PDLIM4: variants seen among roughly 807,000 people sequenced by gnomAD.
PDLIM4 encodes PDZ and LIM domain 4.
A neutral mutation model predicts 31.3 loss-of-function variants in PDLIM4; 19 were observed. The observed-to-expected ratio is 0.61, with a 90% CI of 0.42 to 0.89. The LOEUF (loss-of-function observed/expected upper bound fraction) is 0.89. Among genes scored for constraint, PDLIM4 ranks in the 40% least tolerant of loss-of-function variants. The pLI, the probability that PDLIM4 is intolerant of heterozygous loss-of-function variation, is 0.00. For synonymous variants in PDLIM4, 176 were observed against 190.1 expected, an observed-to-expected ratio of 0.93 and a Z score of 0.61; for missense variants, 442 against 461.1, an observed-to-expected ratio of 0.96 and a Z score of 0.38.
chr5:132,271,492 T>A, intron 5 of PDLIM4, 26 bp downstream of exon 5: 2 of 1,605,328 alleles, frequency 1.2e-6, no homozygotes, highest in South Asian at 1.1e-5. Context: ...CCTGTCCCCA[T>A]CTGCCTTCCC....
intron 3 of PDLIM4, among the ~76,000 whole-genome samples, chr5:132,267,260 G>A (rs1756511583): frequency 6.6e-6 from 1 of 152,206 alleles, no homozygotes; most frequent in Non-Finnish European, 1.5e-5. Context: ...CAGCATGTGG[G>A]ACCATTGCCT....
At chr5:132,267,547 TCAGA>T (rs1756518048) in intron 3 of PDLIM4, among the ~76,000 whole-genome samples, 1 of 152,168 alleles carries the variant, frequency 6.6e-6, no homozygotes, top group Admixed American at 6.5e-5. Flanking sequence ...GTCACATGAC[TCAGA>T]CAAGGAGTCA....
chr5:132,268,972 A>C (rs1262061628), intron 3 of PDLIM4, among the ~76,000 whole-genome samples: 2 of 152,198 alleles, frequency 1.3e-5, no homozygotes, highest in African/African-American at 4.8e-5. Context: ...ACAGCCATTC[A>C]TCCAACAAGT....
intron 3 of PDLIM4, 141 bp from the exon 4 acceptor site, chr5:132,270,774 C>T: frequency 2.8e-6 from 2 of 725,750 alleles, no homozygotes; most frequent in Non-Finnish European, 4.9e-6. Flanking sequence ...CCTGGCTGAG[C>T]ACCACAGGCC....
rs551467760 is a variant in PDLIM4, at chr5:132,272,873, T to C, written c.*644T>C. ...AGGTTTCTTCCACCCACGAGCACTTTATTCTCCTCCGAGACCCCCTTTTCT... is the reference window on the plus strand; with the variant it reads ...AGGTTTCTTCCACCCACGAGCACTTCATTCTCCTCCGAGACCCCCTTTTCT... On this transcript the variant is annotated 3_prime_UTR_variant, in exon 7 of 7. Coordinates refer to ENST00000253754, the MANE Select transcript of PDLIM4 (RefSeq NM_003687.4). 28 of 153,286 alleles carry C rather than the reference T, an allele frequency of 1.8e-4. No homozygotes were observed. Among genetic ancestry groups the C allele is most frequent in the Non-Finnish European group, 3.1e-4 (21 of 68,664 alleles). 9.5% of individuals were successfully genotyped at this position (153,286 alleles called of 1,614,324 possible).
chr5:132,262,377 G>A (rs931816707), intron 1 of PDLIM4, among the ~76,000 whole-genome samples: 2 of 152,200 alleles, frequency 1.3e-5, no homozygotes, highest in African/African-American at 2.4e-5. Flanking sequence ...AGCCCTTCTC[G>A]TATATCCTCA....
rs73787104 is a variant in PDLIM4 at position 132,265,822 on chromosome 5, T to G, written c.246-642T>G. 2.3e-3 allele frequency among the ~76,000 whole-genome samples: 356 copies of G among 152,344 alleles called. 3 individuals are homozygous for G. Among genetic ancestry groups the G allele is most frequent in the African/African-American group, 7.8e-3 (324 of 41,588 alleles). ...GCCTTAGGCACGTAGCCTCTCGGCC[T>G]GCCTGCCCTGCTTATGGCAGGTTTA... On this transcript the variant is annotated intron_variant, in intron 2 of 6. Transcript: ENST00000253754.
chr5:132,266,595 C>T, intron 3 of PDLIM4, 50 bp downstream of exon 3: 1 of 1,241,320 alleles, frequency 8.1e-7, no homozygotes, highest in South Asian at 1.3e-5. Flanking sequence ...GAGCCCAGGG[C>T]AGAGGGGCCA....
intron 3 of PDLIM4, among the ~76,000 whole-genome samples, chr5:132,267,504 A>C (rs1756516957): frequency 1.3e-5 from 2 of 152,208 alleles, no homozygotes; most frequent in African/African-American, 4.8e-5. Flanking sequence ...GTTCTGGGCT[A>C]GGGGAAGCCA....
At chr5:132,265,739 A>G (rs1414979381) in intron 2 of PDLIM4, among the ~76,000 whole-genome samples, 1 of 152,202 alleles carries the variant, frequency 6.6e-6, no homozygotes, top group Non-Finnish European at 1.5e-5. Flanking sequence ...CTGCCAGTCC[A>G]GGGTCCATGC....
chr5:132,266,010 C>T (rs1270898392), intron 2 of PDLIM4, among the ~76,000 whole-genome samples: 2 of 152,216 alleles, frequency 1.3e-5, no homozygotes, highest in African/African-American at 4.8e-5. Flanking sequence ...CTCCATTCCA[C>T]CTACCCCAGA....
chr5:132,259,915 A>G (rs1756336964), intron 1 of PDLIM4, among the ~76,000 whole-genome samples: 2 of 150,558 alleles, frequency 1.3e-5, no homozygotes, highest in South Asian at 2.1e-4. Flanking sequence ...GGGTGTTGGT[A>G]ACAGCTCCCT....
At chr5:132,268,865 G>T (rs1398657886) in intron 3 of PDLIM4, among the ~76,000 whole-genome samples, 4 of 152,200 alleles carry the variant, frequency 2.6e-5, no homozygotes, top group African/African-American at 4.8e-5. Context: ...AACCAAGTGG[G>T]CAGCAGGCTG....
chr5:132,266,361 T>C (rs1396072698), intron 2 of PDLIM4, 103 bp from the exon 3 acceptor site: 4 of 709,092 alleles, frequency 5.6e-6, no homozygotes, highest in East Asian at 2.7e-5. Flanking sequence ...GGTGTTCTTC[T>C]ACCTGCAGGG....
chr5:132,272,011 G>C lies in PDLIM4; in HGVS notation c.789-14G>C. Reference sequence around the variant, plus strand: ...CAGTCACTCGACGCTGTCCTGTCTCGTTCCCCCCATCAGGGGCACCATCGT... The same window carrying C: ...CAGTCACTCGACGCTGTCCTGTCTCCTTCCCCCCATCAGGGGCACCATCGT... On this transcript the variant is annotated splice_polypyrimidine_tract_variant and intron_variant, in intron 6 of 6. Transcript: ENST00000253754. The C allele has an allele frequency of 6.2e-7, 1 of 1,613,132 alleles. No individual in the cohort carries two copies.
chr5:132,269,732 C>G (rs1028799357), intron 3 of PDLIM4, among the ~76,000 whole-genome samples: 2 of 152,178 alleles, frequency 1.3e-5, no homozygotes, highest in Non-Finnish European at 2.9e-5. Flanking sequence ...ACACTGGGCT[C>G]TCTGACCACA....
At chr5:132,270,862 G>T in intron 3 of PDLIM4, 53 bp from the exon 4 acceptor site, 4 of 1,541,612 alleles carry the variant, frequency 2.6e-6, no homozygotes, top group Non-Finnish European at 3.6e-6. Context: ...GGGTGAACAA[G>T]GAATGGCTGG....
Position 132,257,864 on chromosome 5 carries a change from AT to A in PDLIM4, c.93+38del. On this transcript the variant is annotated intron_variant, in intron 1 of 6. Coordinates refer to ENST00000253754, the MANE Select transcript of PDLIM4 (RefSeq NM_003687.4). The surrounding 1 kb of genome is among the most constrained non-coding windows in gnomAD (Gnocchi z 4.3). ...GGCTGCGTGGCGGCAGGGCGGTCCC[AT>A]GTCTGAGACCGGGTTCTCGCGGTCC... is the stretch of plus-strand genomic sequence containing the variant. 2 of 1,239,786 alleles carry A rather than the reference AT, an allele frequency of 1.6e-6. No homozygotes were observed. Among genetic ancestry groups the A allele is most frequent in the Non-Finnish European group, 2.2e-6 (2 of 921,722 alleles). 76.8% of individuals were successfully genotyped at this position (1,239,786 alleles called of 1,614,324 possible). A position where few individuals can be genotyped will look rare whatever the true frequency, so the allele number is the denominator to read the frequency against.
At chr5:132,266,351 G>A (rs950581254) in intron 2 of PDLIM4, 113 bp from the exon 3 acceptor site, 20 of 663,142 alleles carry the variant, frequency 3.0e-5, no homozygotes, top group Non-Finnish European at 5.3e-5. Context: ...GCACTGGAGT[G>A]GTGTTCTTCT....
Sources: gnomAD v4.1 joint callset for allele counts (sites outside exome capture counted in the v4.1 genomes callset) on GRCh38, gnomAD v4.1.1 for gene constraint, Gnocchi (gnomAD v3.1) non-coding constraint, MANE v1.5 for transcripts, NCBI Gene and HGNC (gene_info 2026-07-23, HGNC 2026-07-21) for gene names.